CDH7: variants seen among roughly 807,000 people sequenced by gnomAD.
CDH7 encodes the protein cadherin-7.
Under a neutral mutation model 71.8 loss-of-function variants are expected in CDH7, and 25 were observed. The observed-to-expected ratio is 0.35, with a 90% CI of 0.25 to 0.49. The LOEUF (loss-of-function observed/expected upper bound fraction) is 0.49, where lower values mean the gene tolerates loss of function less well. Ranked by LOEUF, CDH7 falls within the 20% of genes least tolerant of loss-of-function variation. CDH7 has a pLI of 0.99. For synonymous variants in CDH7, 381 were observed against 363.8 expected (o/e 1.05, Z -0.54); for missense variants, 862 against 974.6 (o/e 0.88, Z 1.54).
rs575453351 is a variant in CDH7 at position 65,768,322 on chromosome 18, G to A, written c.210+5270G>A. On this transcript the variant is annotated intron_variant, in intron 2 of 11. Coordinates refer to ENST00000397968, the MANE Select transcript of CDH7 (RefSeq NM_004361.5). ...GCAATCTCAGCTCACTGCAGCCTCC[G>A]CCTCCCGGTTCAAGCAATTCTCCTG... Among the ~76,000 whole-genome samples the A allele has an allele frequency of 1.7e-4, 25 of 151,326 alleles. No individual in the cohort carries two copies. The East Asian group carries it at 3.5e-3, about 21-fold the overall frequency.
chr18:65,814,098 CTT>C (rs1599024757), intron 3 of CDH7, among the ~76,000 whole-genome samples: 2 of 152,160 alleles, frequency 1.3e-5, no homozygotes, highest in East Asian at 3.9e-4. Context: ...ATGCTGTTGT[CTT>C]GCTGCTTTCT....
intron 2 of CDH7, among the ~76,000 whole-genome samples, chr18:65,808,641 G>A (rs1911413226): frequency 6.6e-6 from 1 of 152,096 alleles, no homozygotes; most frequent in South Asian, 2.1e-4. Flanking sequence ...CAGCTACAGG[G>A]AAGGATGAAA....
chr18:65,838,317 C>T (rs890963274), intron 6 of CDH7, among the ~76,000 whole-genome samples: 1 of 152,104 alleles, frequency 6.6e-6, no homozygotes, highest in Non-Finnish European at 1.5e-5. Flanking sequence ...AAAAGATTTA[C>T]ATTTATTTGT....
intron 6 of CDH7, among the ~76,000 whole-genome samples, chr18:65,826,866 T>C (rs1912150837): frequency 1.3e-5 from 2 of 151,596 alleles, no homozygotes; most frequent in African/African-American, 4.8e-5. Context: ...TTCAGTGGGT[T>C]CAAATTTCGT....
chr18:65,799,675 CA>C (rs56087234), intron 2 of CDH7, among the ~76,000 whole-genome samples: 380 of 139,188 alleles, frequency 2.7e-3, no homozygotes, highest in Middle Eastern at 3.5e-3. Flanking sequence ...GACTCTGTGT[CA>C]AAAAAAAAAA....
In CDH7 at chr18:65,884,074, A is replaced by G. The variant is rs1914306514; in HGVS notation, c.*3180A>G. The G allele has an allele frequency of 6.6e-6, 1 of 152,150 alleles. No homozygotes were observed. The highest frequency in any genetic ancestry group is 6.5e-5 in the Admixed American group (1 of 15,272). The allele number at this position is 152,150 out of a possible 1,614,324, so 9.4% of individuals were successfully genotyped here. A position where few individuals can be genotyped will look rare whatever the true frequency, so the allele number is the denominator to read the frequency against. ...ACAGTTTAATTTATTGAAAAATCAG[A>G]TGCATTTTACTTCTTACTGTCTATG... On this transcript the variant is annotated 3_prime_UTR_variant, in exon 12 of 12. Transcript: ENST00000397968.
intron 5 of CDH7, among the ~76,000 whole-genome samples, chr18:65,822,883 A>AT (rs1484335844): frequency 1.3e-5 from 2 of 151,910 alleles, no homozygotes; most frequent in Admixed American, 1.3e-4. Context: ...GAAAAAAAAA[A>AT]TTCTCTAGGT....
At chr18:65,837,098 C>T (rs919584370) in intron 6 of CDH7, among the ~76,000 whole-genome samples, 1 of 152,114 alleles carries the variant, frequency 6.6e-6, no homozygotes, top group Non-Finnish European at 1.5e-5. Context: ...CTTTCTCTCA[C>T]CTTCTTCTGT....
chr18:65,843,601 A>T (rs1912814891), intron 6 of CDH7, among the ~76,000 whole-genome samples: 1 of 152,138 alleles, frequency 6.6e-6, no homozygotes, highest in Non-Finnish European at 1.5e-5. Context: ...AGCAGAGTGG[A>T]TGAAGTTGAT....
chr18:65,880,708 T>C lies in CDH7; in HGVS notation c.2172T>C (p.Ala724=), dbSNP rs761678478. ...AAGAAGCCGATGTTGATCCTGGTGCTCCTCCTTATGACTCCCTGCAGACAT... is the reference window on the plus strand; with the variant it reads ...AAGAAGCCGATGTTGATCCTGGTGCCCCTCCTTATGACTCCCTGCAGACAT... ...RLKEADVDPG[A]PPYDSLQTYA... Residue 724 remains alanine, a synonymous_variant, in exon 12 of 12, where the codon GCT becomes GCC. Coordinates refer to ENST00000397968, the MANE Select transcript of CDH7 (RefSeq NM_004361.5). The C allele has an allele frequency of 2.5e-6, 4 of 1,614,080 alleles. No individual in the cohort carries two copies. In the South Asian group the frequency reaches 4.4e-5, roughly 18 times the overall value.
intron 11 of CDH7, among the ~76,000 whole-genome samples, chr18:65,870,373 C>T (rs761416216): frequency 2.8e-4 from 43 of 152,208 alleles, no homozygotes; most frequent in Admixed American, 6.5e-5. Flanking sequence ...TTAAATGCCA[C>T]TTCTGATGAC....
intron 3 of CDH7, among the ~76,000 whole-genome samples, chr18:65,811,828 T>G (rs1291695938): frequency 1.3e-5 from 2 of 152,120 alleles, no homozygotes; most frequent in Non-Finnish European, 2.9e-5. Context: ...ACTGTTGTTT[T>G]GATTTTGATG....
In CDH7 at chr18:65,814,512, C is replaced by T. The variant is rs761037837; in HGVS notation, c.533C>T (p.Thr178Met). Residue 178 changes from threonine (T) to methionine (M), a missense_variant, in exon 4 of 12, where the codon ACG becomes ATG. Coordinates refer to ENST00000397968, the MANE Select transcript of CDH7 (RefSeq NM_004361.5). The stretch of plus-strand genomic sequence containing the variant: ...ACCTCAGTGGTACAAGTGACAGCGA[C>T]GGATGCTGATGATCCTACATATGGC... ...VGTSVVQVTATDADDPTYGNS... is the reference protein window; with the variant it reads ...VGTSVVQVTAMDADDPTYGNS... The T allele has an allele frequency of 1.8e-5, 29 of 1,613,690 alleles. No homozygotes were observed. In the South Asian group the frequency reaches 2.5e-4, roughly 14 times the overall value.
At chr18:65,859,909 T>C in intron 10 of CDH7, 84 bp downstream of exon 10, 3 of 809,260 alleles carry the variant, frequency 3.7e-6, no homozygotes, top group Non-Finnish European at 6.3e-6. Flanking sequence ...ATGCTGATTA[T>C]GGATTTTTTT....
At chr18:65,880,359 G>T in intron 11 of CDH7, 42 bp from the exon 12 acceptor site, 2 of 1,512,116 alleles carry the variant, frequency 1.3e-6, no homozygotes, top group Non-Finnish European at 1.8e-6. Flanking sequence ...GGGGCAATGG[G>T]TGAGTTTACT....
At chr18:65,753,688 C>G (rs537660682) in intron 1 of CDH7, among the ~76,000 whole-genome samples, 11 of 152,288 alleles carry the variant, frequency 7.2e-5, no homozygotes, top group African/African-American at 2.6e-4. Flanking sequence ...GTGTGACCAT[C>G]TCCCCAGCGT....
chr18:65,839,233 A>C (rs1011116172), intron 6 of CDH7, among the ~76,000 whole-genome samples: 1 of 152,198 alleles, frequency 6.6e-6, no homozygotes, highest in Non-Finnish European at 1.5e-5. Flanking sequence ...CTATAACAGA[A>C]ATATATGCTG....
chr18:65,816,431 A>T (rs1164483008), intron 4 of CDH7, among the ~76,000 whole-genome samples: 2 of 152,098 alleles, frequency 1.3e-5, no homozygotes, highest in African/African-American at 2.4e-5. Context: ...TCCTTTCCTG[A>T]TGTCTGTCTG....
intron 6 of CDH7, among the ~76,000 whole-genome samples, chr18:65,825,048 G>A (rs1301550682): frequency 2.0e-5 from 3 of 151,842 alleles, no homozygotes; most frequent in African/African-American, 4.8e-5. Flanking sequence ...TAAGAAACTC[G>A]CAGCCATTAT....
Sources: gnomAD v4.1 joint callset for allele counts (sites outside exome capture counted in the v4.1 genomes callset) on GRCh38, gnomAD v4.1.1 for gene constraint, MANE v1.5 for transcripts, NCBI Gene and HGNC (gene_info 2026-07-23, HGNC 2026-07-21) for gene names.